DAGLA: variants seen among roughly 807,000 people sequenced by gnomAD.
DAGLA encodes diacylglycerol lipase-alpha.
In DAGLA, 22 loss-of-function variants were observed where a neutral mutation model predicts 102.6. The ratio of observed to expected loss-of-function variants is 0.21; its 90% CI spans 0.15 to 0.31. DAGLA has a LOEUF of 0.31. DAGLA is among the 10% of genes least tolerant of loss of function. DAGLA has a pLI of 1.00. For missense variants in DAGLA, 927 were observed against 1,446.6 expected (o/e 0.64, Z 5.83); for synonymous variants, 578 against 628.9 (o/e 0.92, Z 1.21).
Position 61,738,885 on chromosome 11 carries a change from T to G in DAGLA, c.1657-580T>G, listed in dbSNP as rs565656636. On this transcript the variant is annotated intron_variant, in intron 16 of 19. Coordinates refer to ENST00000257215, the MANE Select transcript of DAGLA (RefSeq NM_006133.3). The stretch of plus-strand genomic sequence containing the variant: ...GCCCATTCACCATCTCAGCCCCGTC[T>G]GGACCGTTCCCAGCTTTGGTGCCCT... Among the ~76,000 whole-genome samples, 24 of 151,180 alleles carry G rather than the reference T, an allele frequency of 1.6e-4. 1 individual carries two copies. The East Asian group carries it at 4.6e-3, about 29-fold the overall frequency.
chr11:61,701,506 C>T (rs530389238), intron 1 of DAGLA, among the ~76,000 whole-genome samples: 5 of 152,246 alleles, frequency 3.3e-5, no homozygotes, highest in Non-Finnish European at 5.9e-5. Flanking sequence ...AGCCGGGATT[C>T]GATGAGCCCC....
chr11:61,734,832 T>C lies in DAGLA; in HGVS notation c.975-17T>C. The C allele has an allele frequency of 6.2e-7, 1 of 1,607,652 alleles. No individual in the cohort carries two copies. The highest frequency in any genetic ancestry group is 1.1e-5 in the South Asian group (1 of 90,954). On this transcript the variant is annotated splice_polypyrimidine_tract_variant and intron_variant, in intron 9 of 19. Coordinates refer to ENST00000257215, the MANE Select transcript of DAGLA (RefSeq NM_006133.3). This position sits in a 1 kb window ranked among gnomAD's most constrained non-coding sequence, Gnocchi z 4.2. ...GGGGACTCCCTGGCCCTGAACTCTC[T>C]TGTCACCCCACCCTAGGTGTTGCCT... is the stretch of plus-strand genomic sequence containing the variant.
chr11:61,739,790 C>T, intron 17 of DAGLA, 129 bp downstream of exon 17: 1 of 972,446 alleles, frequency 1.0e-6, no homozygotes, highest in South Asian at 1.6e-5. Flanking sequence ...TGGCCCAGGG[C>T]CTCCATGGAG....
intron 14 of DAGLA, 111 bp downstream of exon 14, chr11:61,737,435 G>A (rs1224754196): frequency 6.7e-6 from 10 of 1,485,970 alleles, no homozygotes; most frequent in Non-Finnish European, 9.2e-6. Flanking sequence ...TCACATGGAG[G>A]TCTGGGAGTG....
chr11:61,728,413 T>G, intron 7 of DAGLA, 126 bp downstream of exon 7: 1 of 1,226,352 alleles, frequency 8.2e-7, no homozygotes, highest in Non-Finnish European at 1.1e-6. Context: ...ACGCACTCTC[T>G]TGGACCCTGG....
intron 1 of DAGLA, among the ~76,000 whole-genome samples, chr11:61,681,449 T>C (rs1414829481): frequency 6.6e-6 from 1 of 152,096 alleles, no homozygotes; most frequent in Non-Finnish European, 1.5e-5. Context: ...TGGTGATCGG[T>C]GTCCCAGAAT....
At chr11:61,742,916 T>TA (rs1279876991) in intron 19 of DAGLA, among the ~76,000 whole-genome samples, 1 of 151,906 alleles carries the variant, frequency 6.6e-6, no homozygotes, top group Admixed American at 6.5e-5. Flanking sequence ...CTCACATTGG[T>TA]ACAATGACAG....
chr11:61,718,828 A>T (rs2065258489), intron 1 of DAGLA, among the ~76,000 whole-genome samples: 1 of 152,196 alleles, frequency 6.6e-6, no homozygotes, highest in Admixed American at 6.5e-5. Flanking sequence ...CCGGGCGGAC[A>T]TGCGGGCTGG....
At chr11:61,728,015 T>G in intron 6 of DAGLA, 138 bp from the exon 7 acceptor site, 1 of 948,904 alleles carries the variant, frequency 1.1e-6, no homozygotes. Flanking sequence ...GCTGTGGAGG[T>G]GCTGGGGAGA....
chr11:61,700,373 C>G (rs371534761), intron 1 of DAGLA, among the ~76,000 whole-genome samples: 1 of 148,158 alleles, frequency 6.7e-6, no homozygotes, highest in Non-Finnish European at 1.5e-5. Flanking sequence ...CTGACCTTCT[C>G]TTCACCCTCT....
rs142905092 is a variant in DAGLA, at chr11:61,682,856, G to C, written c.-45+2352G>C. Among the ~76,000 whole-genome samples, 412 of 148,504 alleles carry C rather than the reference G, an allele frequency of 2.8e-3. 3 individuals carry two copies. Among genetic ancestry groups the C allele is most frequent in the African/African-American group, 9.3e-3 (382 of 41,130 alleles). On this transcript the variant is annotated intron_variant, in intron 1 of 19. Transcript: ENST00000257215. Reference sequence around the variant, plus strand: ...GAGGCTGGATGGCAGGGGGACGGGGGGGGGAGGTGTGGAGGATGCCCTCAG... The same window carrying C: ...GAGGCTGGATGGCAGGGGGACGGGGCGGGGAGGTGTGGAGGATGCCCTCAG...
chr11:61,731,179 C>T (rs2065370837), intron 8 of DAGLA, 138 bp from the exon 9 acceptor site: 2 of 989,868 alleles, frequency 2.0e-6, no homozygotes, highest in African/African-American at 1.6e-5. Context: ...GGCCTGGGCC[C>T]CACACCTCAA....
At chr11:61,717,783 C>G (rs1424495443) in intron 1 of DAGLA, among the ~76,000 whole-genome samples, 1 of 152,184 alleles carries the variant, frequency 6.6e-6, no homozygotes, top group East Asian at 1.9e-4. Flanking sequence ...TAGGTAGGTA[C>G]TGCTGTTGAC....
At chr11:61,735,894 G>T in intron 12 of DAGLA, 78 bp downstream of exon 12, 1 of 1,364,420 alleles carries the variant, frequency 7.3e-7, no homozygotes, top group South Asian at 1.3e-5. Context: ...TATGGTTGGG[G>T]GTTCCTCCCT....
chr11:61,681,479 G>A (rs2064941884), intron 1 of DAGLA, among the ~76,000 whole-genome samples: 1 of 152,158 alleles, frequency 6.6e-6, no homozygotes, highest in South Asian at 2.1e-4. Flanking sequence ...GAAGCAAGCA[G>A]GACCAAGAGG....
At chr11:61,720,081 G>A in intron 1 of DAGLA, 31 bp from the exon 2 acceptor site, 1 of 1,518,414 alleles carries the variant, frequency 6.6e-7, no homozygotes, top group Non-Finnish European at 9.0e-7. Flanking sequence ...CACCTCCTCA[G>A]GCAGCTATAA....
At position 61,692,571 on chromosome 11, in the gene DAGLA, C is replaced by T. The variant is rs535811602; in HGVS notation, c.-45+12067C>T. ...GAGATGGGAAGAAGGGCAGAATCCC[C>T]GCTCCCCACTCCCACCCTTTATGCA... is the stretch of plus-strand genomic sequence containing the variant. On this transcript the variant is annotated intron_variant, in intron 1 of 19. Coordinates refer to ENST00000257215, the MANE Select transcript of DAGLA (RefSeq NM_006133.3). Among the ~76,000 whole-genome samples the T allele has an allele frequency of 2.1e-3, 316 of 152,178 alleles. 6 individuals are homozygous for T. The South Asian group carries it at 0.03, about 14-fold the overall frequency.
At position 61,737,268 on chromosome 11, in the gene DAGLA, C is replaced by G; in HGVS notation, c.1458C>G (p.Arg486=). 1 of 1,613,004 alleles carries G rather than the reference C, an allele frequency of 6.2e-7. No homozygotes were observed. The highest frequency in any genetic ancestry group is 2.2e-5 in the East Asian group (1 of 44,888). The change falls in exon 14 of 20, where the codon CGC becomes CGG. Residue 486 remains arginine (R), a synonymous_variant. Coordinates refer to ENST00000257215, the MANE Select transcript of DAGLA (RefSeq NM_006133.3). ...CTGCCATCCTCTCCTTCCTTCTGCG[C>G]CCACAGTATCCGACCCTCAAGTGCT... ...GTAAILSFLL[R]PQYPTLKCFA... is the part of the protein sequence containing the mutation.
At chr11:61,692,562 C>A (rs2065032292) in intron 1 of DAGLA, among the ~76,000 whole-genome samples, 2 of 152,178 alleles carry the variant, frequency 1.3e-5, no homozygotes, top group South Asian at 2.1e-4. Context: ...GGAAGAAGGG[C>A]AGAATCCCCG....
Sources: gnomAD v4.1 joint callset for allele counts (sites outside exome capture counted in the v4.1 genomes callset) on GRCh38, gnomAD v4.1.1 for gene constraint, Gnocchi (gnomAD v3.1) non-coding constraint, MANE v1.5 for transcripts, NCBI Gene and HGNC (gene_info 2026-07-23, HGNC 2026-07-21) for gene names.